The following PRPF38B variants were observed in gnomAD, a reference collection of about 807,000 sequenced individuals.
PRPF38B encodes the protein pre-mRNA processing factor 38B, also known as pre-mRNA-splicing factor 38B.
Under a neutral mutation model 67.2 loss-of-function variants are expected in PRPF38B, and 18 were observed. The observed-to-expected ratio is 0.27, with a 90% CI of 0.19 to 0.40. The LOEUF (loss-of-function observed/expected upper bound fraction) is 0.40, where lower values mean the gene tolerates loss of function less well. Ranked by LOEUF, PRPF38B falls within the 10% of genes least tolerant of loss-of-function variation. The pLI is 1.00. For missense variants in PRPF38B, 544 were observed against 684.9 expected, an observed-to-expected ratio of 0.79 and a Z score of 2.30; for synonymous variants, 246 against 234.2, an observed-to-expected ratio of 1.05 and a Z score of -0.46.
intron 1 of PRPF38B, 46 bp downstream of exon 1, chr1:108,692,913 G>C: frequency 1.3e-6 from 2 of 1,560,842 alleles, no homozygotes; most frequent in South Asian, 2.4e-5. Context: ...TTCGGAAGAG[G>C]GGGTATGGAG....
At chr1:108,692,993 G>GGCTGCA in intron 1 of PRPF38B, 126 bp downstream of exon 1, 8 of 1,236,486 alleles carry the variant, frequency 6.5e-6, no homozygotes, top group Non-Finnish European at 7.7e-6. Flanking sequence ...GCGGAGGGGT[G>GGCTGCA]GCTGCGGCCT....
Position 108,698,719 on chromosome 1 carries a change from T to G in PRPF38B, c.674T>G (p.Val225Gly). 1 of 1,613,814 alleles carries G rather than the reference T, an allele frequency of 6.2e-7. No homozygotes were observed. The highest frequency in any genetic ancestry group is 8.5e-7 in the Non-Finnish European group (1 of 1,179,808). Residue 225 changes from valine to glycine, a missense_variant, in exon 5 of 6, where the codon GTT becomes GGT. By Grantham distance (109) the Val-to-Gly change is moderately radical (BLOSUM62 -3). This residue lies in a region of PRPF38B where 57 missense variants were observed against 122.7 expected (regional missense o/e 0.46). Coordinates refer to ENST00000370025, the MANE Select transcript of PRPF38B (RefSeq NM_018061.4). ...TTGTTTCCAAGAATTCCAGTTCCAG[T>G]TCAAAAGAATATTGATCAACAGATT... ...STLFPRIPVP[V>G]QKNIDQQIKT...
chr1:108,695,934 C>T (rs1557764255), intron 2 of PRPF38B, 109 bp from the exon 3 acceptor site: 3 of 1,383,316 alleles, frequency 2.2e-6, no homozygotes, highest in African/African-American at 1.4e-5. Context: ...TTTTAATGCT[C>T]CTTAGTTCTG....
chr1:108,693,714 T>C, intron 1 of PRPF38B: 1 of 893,874 alleles, frequency 1.1e-6, no homozygotes, highest in South Asian at 5.2e-5. Flanking sequence ...AATTAGATTT[T>C]TGTGGGTTTT....
rs59497995 is a variant in PRPF38B at position 108,694,804 on chromosome 1, G to A, written c.277-898G>A. Among the ~76,000 whole-genome samples, 551 of 151,758 alleles carry A rather than the reference G, an allele frequency of 3.6e-3. 2 individuals carry two copies. Among genetic ancestry groups the A allele is most frequent in the African/African-American group, 0.013 (533 of 41,414 alleles). On this transcript the variant is annotated intron_variant, in intron 1 of 5. Coordinates refer to ENST00000370025, the MANE Select transcript of PRPF38B (RefSeq NM_018061.4). ...ATGGGTCTTCCCAAAAGACCTTTTT[G>A]GATTCTATTTTAGAGTTAATATTCT... is the stretch of plus-strand genomic sequence containing the variant.
intron 5 of PRPF38B, 35 bp from the exon 6 acceptor site, chr1:108,699,127 C>G: frequency 3.2e-6 from 5 of 1,555,300 alleles, no homozygotes; most frequent in Non-Finnish European, 4.3e-6. Context: ...ATGTTTTATT[C>G]ATTGAAATTT....
intron 1 of PRPF38B, chr1:108,693,510 G>T (rs893657637): frequency 6.1e-6 from 4 of 656,248 alleles, no homozygotes; most frequent in Non-Finnish European, 7.6e-6. Context: ...CGGCAGGGTC[G>T]GTGCTGGCTT....
rs907235782 is a variant in PRPF38B, at chr1:108,699,924, T to A, written c.1545T>A (p.Ser515Arg). ...ERSHKRDHSD[S>R]KDQSDKHDRR... is the part of the protein sequence containing the mutation. ...CCCACAAACGAGATCACAGTGATAGTAAGGACCAGTCAGACAAACATGATC... is the reference window on the plus strand; with the variant it reads ...CCCACAAACGAGATCACAGTGATAGAAAGGACCAGTCAGACAAACATGATC... Residue 515 changes from serine (S) to arginine (R), a missense_variant, in exon 6 of 6, where the codon AGT becomes AGA. Physicochemically the swap from Ser to Arg is moderately radical, Grantham distance 110 (BLOSUM62 -1). Around this residue, in one of 5 missense-constraint regions of PRPF38B, gnomAD observed 387 missense variants for 386.1 expected, o/e 1.00. Coordinates refer to ENST00000370025, the MANE Select transcript of PRPF38B (RefSeq NM_018061.4). 10 of 1,614,030 alleles carry A rather than the reference T, an allele frequency of 6.2e-6. No individual in the cohort carries two copies. Among genetic ancestry groups the A allele is most frequent in the Non-Finnish European group, 8.5e-6 (10 of 1,179,998 alleles).
At chr1:108,695,440 C>G (rs867840922) in intron 1 of PRPF38B, among the ~76,000 whole-genome samples, 1 of 152,136 alleles carries the variant, frequency 6.6e-6, no homozygotes, top group Non-Finnish European at 1.5e-5. Flanking sequence ...GATATCAGCT[C>G]TTTATAAAGC....
In PRPF38B at chr1:108,701,248, T is replaced by G. The variant is rs1006752689; in HGVS notation, c.*1228T>G. ...TTTAGCATATTTATATTGTGGAAAT[T>G]GATGAAACGTCAGTAGAGTCACACT... is the stretch of plus-strand genomic sequence containing the variant. On this transcript the variant is annotated 3_prime_UTR_variant, in exon 6 of 6. Transcript: ENST00000370025. 6.6e-6 allele frequency: 1 copy of G among 152,636 alleles called. No individual in the cohort carries two copies. Among genetic ancestry groups the G allele is most frequent in the African/African-American group, 2.4e-5 (1 of 41,446 alleles). The allele number at this position is 152,636 out of a possible 1,614,324, so 9.5% of individuals were successfully genotyped here.
rs570317904 is a variant in PRPF38B at position 108,702,054 on chromosome 1, C to T, written c.*2034C>T. 7.9e-5 allele frequency among the ~76,000 whole-genome samples: 12 copies of T among 152,326 alleles called. No homozygotes were observed. Among genetic ancestry groups the T allele is most frequent in the African/African-American group, 2.9e-4 (12 of 41,568 alleles). ...TGTGGAAAGAATTTAAATTACTTCA[C>T]ATGGAGGTGAAAGAACTATCACCTC... On this transcript the variant is annotated 3_prime_UTR_variant, in exon 6 of 6. Coordinates refer to ENST00000370025, the MANE Select transcript of PRPF38B (RefSeq NM_018061.4).
At chr1:108,695,499 C>T (rs1659780084) in intron 1 of PRPF38B, among the ~76,000 whole-genome samples, 1 of 152,144 alleles carries the variant, frequency 6.6e-6, no homozygotes, top group Admixed American at 6.5e-5. Flanking sequence ...TTTTGTTAAA[C>T]CCTAGTAGCT....
rs553883990 is a variant in PRPF38B at position 108,700,783 on chromosome 1, C to T, written c.*763C>T. The T allele has an allele frequency of 1.1e-4, 17 of 152,312 alleles. No homozygotes were observed. In the South Asian group the frequency reaches 3.3e-3, roughly 30 times the overall value. 9.4% of individuals were successfully genotyped at this position (152,312 alleles called of 1,614,324 possible). A position where few individuals can be genotyped will look rare whatever the true frequency, so the allele number is the denominator to read the frequency against. ...GTAATCTTTTTTTCTTGAATTCTTT[C>T]TCAGATTTTAAAGTACTATATTAAA... On this transcript the variant is annotated 3_prime_UTR_variant, in exon 6 of 6. Transcript: ENST00000370025.
At position 108,700,619 on chromosome 1, in the gene PRPF38B, AAGTT is replaced by A. The variant is rs1162465302; in HGVS notation, c.*604_*607del. 6.6e-6 allele frequency: 1 copy of A among 152,652 alleles called. No individual in the cohort carries two copies. The highest frequency in any genetic ancestry group is 2.4e-5 in the African/African-American group (1 of 41,456). The allele number at this position is 152,652 out of a possible 1,614,324, so 9.5% of individuals were successfully genotyped here. A position where few individuals can be genotyped will look rare whatever the true frequency, so the allele number is the denominator to read the frequency against. On this transcript the variant is annotated 3_prime_UTR_variant, in exon 6 of 6. Coordinates refer to ENST00000370025, the MANE Select transcript of PRPF38B (RefSeq NM_018061.4). ...GTTACCTTTAGAGAGAATTTATGAGAAGTTAGTTTCTGATGCAGAGGTTTTTAGG... is the reference window on the plus strand; with the variant it reads ...GTTACCTTTAGAGAGAATTTATGAGAAGTTTCTGATGCAGAGGTTTTTAGG...
Position 108,692,580 on chromosome 1 carries a change from T to C in PRPF38B, c.-12T>C. On this transcript the variant is annotated 5_prime_UTR_variant, in exon 1 of 6. Transcript: ENST00000370025. ...CCCCCCTCCTTCCCTCCCTCCTTCC[T>C]TCCGCCGCAACATGGCTAACAACAG... 5 of 1,259,576 alleles carry C rather than the reference T, an allele frequency of 4.0e-6. No individual in the cohort carries two copies. Among genetic ancestry groups the C allele is most frequent in the Non-Finnish European group, 4.2e-6 (4 of 941,816 alleles). 78.0% of individuals were successfully genotyped at this position (1,259,576 alleles called of 1,614,324 possible). A position where few individuals can be genotyped will look rare whatever the true frequency, so the allele number is the denominator to read the frequency against.
At chr1:108,693,986 C>T (rs1164555192) in intron 1 of PRPF38B, among the ~76,000 whole-genome samples, 1 of 152,134 alleles carries the variant, frequency 6.6e-6, no homozygotes, top group African/African-American at 2.4e-5. Context: ...GAGATGGTAA[C>T]AAAAGGACAT....
In PRPF38B at chr1:108,702,006, T is replaced by G. The variant is rs1660545879; in HGVS notation, c.*1986T>G. Among the ~76,000 whole-genome samples, 1 of 152,244 alleles carries G rather than the reference T, an allele frequency of 6.6e-6. No homozygotes were observed. The highest frequency in any genetic ancestry group is 1.5e-5 in the Non-Finnish European group (1 of 68,040). On this transcript the variant is annotated 3_prime_UTR_variant, in exon 6 of 6. Coordinates refer to ENST00000370025, the MANE Select transcript of PRPF38B (RefSeq NM_018061.4). ...TGGATATGGTTCCATGTGAAATGTT[T>G]TATCTGACTATTTTAAGTAAAATGT...
Position 108,700,756 on chromosome 1 carries a change from A to C in PRPF38B, c.*736A>C, listed in dbSNP as rs1388197244. The C allele has an allele frequency of 1.3e-5, 2 of 152,598 alleles. No individual in the cohort carries two copies. Among genetic ancestry groups the C allele is most frequent in the African/African-American group, 4.8e-5 (2 of 41,434 alleles). The allele number at this position is 152,598 out of a possible 1,614,324, so 9.5% of individuals were successfully genotyped here. ...TTTTTTATTTGAAAAAATACATGACATGTAATCTTTTTTTCTTGAATTCTT... is the reference window on the plus strand; with the variant it reads ...TTTTTTATTTGAAAAAATACATGACCTGTAATCTTTTTTTCTTGAATTCTT... On this transcript the variant is annotated 3_prime_UTR_variant, in exon 6 of 6. Coordinates refer to ENST00000370025, the MANE Select transcript of PRPF38B (RefSeq NM_018061.4).
intron 4 of PRPF38B, chr1:108,697,538 C>CTTTTTTTTTTTTTTT (rs34770110): frequency 2.1e-5 from 3 of 146,072 alleles, no homozygotes; most frequent in African/African-American, 7.8e-5. Context: ...TTATTTTTCT[C>CTTTTTTTTTTTTTTT]TTTTTTTTTT....
Sources: gnomAD v4.1 joint callset for allele counts (sites outside exome capture counted in the v4.1 genomes callset) on GRCh38, gnomAD v4.1.1 for gene constraint, gnomAD v4.1.1 regional missense constraint, MANE v1.5 for transcripts, NCBI Gene and HGNC (gene_info 2026-07-23, HGNC 2026-07-21) for gene names.